PLAAT3: variants seen among roughly 807,000 people sequenced by gnomAD.
PLAAT3 encodes the protein phospholipase A and acyltransferase 3, also known as Ca-independent phospholipase A1/2.
In PLAAT3, 21 loss-of-function variants were observed where a neutral mutation model predicts 16.7. That is an observed-to-expected ratio of 1.26 (90% CI 0.89 to 1.81). The LOEUF is 1.81. PLAAT3 is among the 40% of genes most tolerant of loss of function. The pLI is 0.00. For missense variants in PLAAT3, 219 were observed against 213.7 expected, an observed-to-expected ratio of 1.02 and a Z score of -0.16; for synonymous variants, 76 against 81.7, an observed-to-expected ratio of 0.93 and a Z score of 0.38.
chr11:63,603,346 C>T (rs1169012656), intron 2 of PLAAT3, among the ~76,000 whole-genome samples: 1 of 152,166 alleles, frequency 6.6e-6, no homozygotes, highest in East Asian at 1.9e-4. Flanking sequence ...CACGCAACAA[C>T]AATGGCAGAG....
chr11:63,574,813 C>G lies in PLAAT3; in HGVS notation c.*132G>C. 1.6e-6 allele frequency: 1 copy of G among 638,854 alleles called. No individual in the cohort carries two copies. The highest frequency in any genetic ancestry group is 2.8e-6 in the Non-Finnish European group (1 of 356,302). The allele number at this position is 638,854 out of a possible 1,614,324, so 39.6% of individuals were successfully genotyped here. A position where few individuals can be genotyped will look rare whatever the true frequency, so the allele number is the denominator to read the frequency against. ...CCCAATAAAATCCTCCCTCGTTTTG[C>G]TTTATTTTATTCTGTGAAAATAAGC... On this transcript the variant is annotated 3_prime_UTR_variant, in exon 5 of 5. Coordinates refer to ENST00000415826, the MANE Select transcript of PLAAT3 (RefSeq NM_001128203.2).
At chr11:63,575,190 G>A in intron 4 of PLAAT3, 144 bp from the exon 5 acceptor site, 1 of 600,280 alleles carries the variant, frequency 1.7e-6, no homozygotes, top group Non-Finnish European at 3.0e-6. Flanking sequence ...ACATTGGTAG[G>A]GAAGAGGGGA....
At chr11:63,603,654 A>G (rs1267034133) in intron 2 of PLAAT3, among the ~76,000 whole-genome samples, 2 of 151,810 alleles carry the variant, frequency 1.3e-5, no homozygotes, top group Non-Finnish European at 2.9e-5. Context: ...AAAGAAAAGA[A>G]AAAAAAACCC....
intron 4 of PLAAT3, among the ~76,000 whole-genome samples, 154 bp downstream of exon 4, chr11:63,589,946 T>C (rs895286861): frequency 3.0e-5 from 3 of 100,962 alleles, no homozygotes; most frequent in African/African-American, 1.6e-4. Context: ...TCCCCACCCT[T>C]GTCCCCACCC....
chr11:63,598,591 A>G, intron 2 of PLAAT3: 1 of 417,908 alleles, frequency 2.4e-6, no homozygotes. Flanking sequence ...GAATTTGTGC[A>G]AAGACATATA....
At chr11:63,615,140 G>A (rs865902012), upstream of PLAAT3, among the ~76,000 whole-genome samples, 2 of 62,466 alleles carry the variant, frequency 3.2e-5, no homozygotes, top group Admixed American at 2.1e-4. Context: ...ATGTATATGT[G>A]TATATGTGTG....
At chr11:63,580,836 G>A (rs577569055) in intron 4 of PLAAT3, among the ~76,000 whole-genome samples, 5 of 152,206 alleles carry the variant, frequency 3.3e-5, no homozygotes, top group Non-Finnish European at 7.3e-5. Flanking sequence ...GCCAAGGAAT[G>A]CCAGTATGTT....
chr11:63,590,315 C>G lies in PLAAT3; in HGVS notation c.172G>C (p.Ala58Pro), dbSNP rs1280614833. Residue 58 changes from alanine (A) to proline (P), a missense_variant, in exon 4 of 5, where the codon GCC (alanine) becomes CCC (proline). Physicochemically the swap from Ala to Pro is conservative, Grantham distance 27. Transcript: ENST00000415826. ...TACAGCAATTCCTTCTTCACGATGG[C>G]CTTGTCAGTCAGGGCGGACATGACA... ...ASVMSALTDK[A>P]IVKKELLYDV... The G allele has an allele frequency of 1.4e-5, 22 of 1,614,070 alleles. No individual in the cohort carries two copies. Among genetic ancestry groups the G allele is most frequent in the Non-Finnish European group, 1.9e-5 (22 of 1,179,886 alleles).
intron 3 of PLAAT3, among the ~76,000 whole-genome samples, chr11:63,594,830 T>C (rs1178613008): frequency 2.2e-5 from 3 of 137,844 alleles, no homozygotes; most frequent in African/African-American, 8.3e-5. Flanking sequence ...AGGGAGAAGA[T>C]GACAATACAG....
At chr11:63,586,053 C>T (rs1379760176) in intron 4 of PLAAT3, among the ~76,000 whole-genome samples, 2 of 151,960 alleles carry the variant, frequency 1.3e-5, no homozygotes, top group Non-Finnish European at 2.9e-5. Context: ...CCTGTCTCTA[C>T]AAAAAATACA....
chr11:63,603,047 C>T (rs1225268135), intron 2 of PLAAT3, among the ~76,000 whole-genome samples: 2 of 152,180 alleles, frequency 1.3e-5, no homozygotes, highest in Admixed American at 6.5e-5. Flanking sequence ...GAGCTGAGAT[C>T]ACGCCATTGC....
At chr11:63,610,435 C>T (rs1048553574) in intron 2 of PLAAT3, among the ~76,000 whole-genome samples, 2 of 152,200 alleles carry the variant, frequency 1.3e-5, no homozygotes, top group African/African-American at 4.8e-5. Context: ...ACCAGAATTC[C>T]GTCTAATTCA....
chr11:63,577,681 T>C (rs908106062), intron 4 of PLAAT3, among the ~76,000 whole-genome samples: 3 of 152,252 alleles, frequency 2.0e-5, no homozygotes, highest in Admixed American at 6.5e-5. Flanking sequence ...TAAGACAGCA[T>C]ATTGCATCCA....
rs924434393 is a variant in PLAAT3 at position 63,598,069 on chromosome 11, G to A, written c.110C>T (p.Ala37Val). The change falls in exon 3 of 5, where the codon GCC becomes GTC. Residue 37 changes from alanine to valine, a missense_variant. Transcript: ENST00000415826. ...YVGDGYVVHL[A>V]PPSEVAGAGA... ...GTCCCATGTGTTCTTACTTGGAGGG[G>A]CCAGATGAACCACATATCCATCGCC... The A allele has an allele frequency of 6.2e-7, 1 of 1,609,216 alleles. No individual in the cohort carries two copies. The highest frequency in any genetic ancestry group is 1.3e-5 in the African/African-American group (1 of 74,832).
At chr11:63,577,979 A>G (rs1295820631) in intron 4 of PLAAT3, among the ~76,000 whole-genome samples, 1 of 152,162 alleles carries the variant, frequency 6.6e-6, no homozygotes, top group East Asian at 1.9e-4. Flanking sequence ...GGAAAAAAAT[A>G]AAATAAAAAA....
chr11:63,585,181 C>T (rs55725938), intron 4 of PLAAT3, among the ~76,000 whole-genome samples: 13,925 of 152,034 alleles, frequency 0.092, 879 homozygotes, highest in East Asian at 0.18. Context: ...CACACCACCA[C>T]GCCCAGCTAA....
At position 63,574,738 on chromosome 11, in the gene PLAAT3, C is replaced by T; in HGVS notation, c.*207G>A. The T allele has an allele frequency of 1.8e-6, 1 of 555,264 alleles. No homozygotes were observed. Among genetic ancestry groups the T allele is most frequent in the South Asian group, 2.3e-5 (1 of 43,726 alleles). The allele number at this position is 555,264 out of a possible 1,614,324, so 34.4% of individuals were successfully genotyped here. ...ACAATCCCTGACCAGGAAGACAGCC[C>T]GGCTGTTCCCTGAACAGACTTCACA... On this transcript the variant is annotated 3_prime_UTR_variant, in exon 5 of 5. Coordinates refer to ENST00000415826, the MANE Select transcript of PLAAT3 (RefSeq NM_001128203.2).
chr11:63,588,559 C>G (rs1348948225), intron 4 of PLAAT3, among the ~76,000 whole-genome samples: 1 of 152,092 alleles, frequency 6.6e-6, no homozygotes, highest in Non-Finnish European at 1.5e-5. Context: ...ACTGATTCCC[C>G]AGAAGAAAGC....
At chr11:63,591,573 G>A (rs948836458) in intron 3 of PLAAT3, among the ~76,000 whole-genome samples, 4 of 152,116 alleles carry the variant, frequency 2.6e-5, no homozygotes, top group Non-Finnish European at 5.9e-5. Context: ...AATGACATCC[G>A]TGTGACAGCA....
Sources: allele counts gnomAD v4.1 joint callset (sites outside exome capture counted in the v4.1 genomes callset), GRCh38; gene constraint gnomAD v4.1.1; transcripts MANE v1.5; gene names NCBI Gene and HGNC (gene_info 2026-07-23, HGNC 2026-07-21).